Variants in PAK1 observed in about 807,000 individuals in gnomAD.
PAK1 encodes the protein p21 (RAC1) activated kinase 1, also known as serine/threonine-protein kinase PAK 1.
PAK1 carries 29 observed loss-of-function variants against 67.4 expected under a neutral mutation model. The observed-to-expected ratio is 0.43, with a 90% CI of 0.32 to 0.59. The LOEUF is 0.59. PAK1 is among the 20% of genes least tolerant of loss of function. The pLI, the probability that PAK1 is intolerant of heterozygous loss-of-function variation, is 0.07. For missense variants in PAK1, 337 were observed against 670.7 expected (o/e 0.50, Z 5.50); for synonymous variants, 223 against 237.4 (o/e 0.94, Z 0.56).
chr11:77,454,125 T>C (rs1956980666), intron 1 of PAK1, among the ~76,000 whole-genome samples: 1 of 152,218 alleles, frequency 6.6e-6, no homozygotes, highest in Non-Finnish European at 1.5e-5. Flanking sequence ...ATCATTCATA[T>C]TCTGTAGCTC....
upstream of PAK1, chr11:77,476,020 A>C (rs907166014): frequency 1.3e-5 from 2 of 152,230 alleles, no homozygotes; most frequent in Non-Finnish European, 2.9e-5. Flanking sequence ...AAATACAAAA[A>C]TTAGCCGGGC....
At chr11:77,509,141 C>T in the PAK1 span, among the ~76,000 whole-genome samples, 1 of 151,616 alleles carries the variant, frequency 6.6e-6, no homozygotes, top group Non-Finnish European at 1.5e-5. Flanking sequence ...GCCTGTAGTC[C>T]CAGCTACTCG....
chr11:77,326,537 TAGGC>T (rs1939920066), intron 14 of PAK1, among the ~76,000 whole-genome samples: 1 of 152,046 alleles, frequency 6.6e-6, no homozygotes, highest in Non-Finnish European at 1.5e-5. Context: ...ATAGAAAAAT[TAGGC>T]AGGTATGGTG....
At chr11:77,516,531 T>A in the PAK1 span, among the ~76,000 whole-genome samples, 2 of 152,236 alleles carry the variant, frequency 1.3e-5, no homozygotes, top group Admixed American at 1.3e-4. Flanking sequence ...AGGTATTATA[T>A]AATTACTGTA....
In PAK1 at chr11:77,451,347, G is replaced by C. The variant is rs140621502; in HGVS notation, c.-22+22205C>G. Among the ~76,000 whole-genome samples, 26 of 152,226 alleles carry C rather than the reference G, an allele frequency of 1.7e-4. No homozygotes were observed. In the East Asian group the frequency reaches 4.1e-3, roughly 24 times the overall value. Reference sequence around the variant, plus strand: ...CCTCATTTTTCTCTGAAGACACAGGGACATACAGAAAAATCTGAACAAACC... The same window carrying C: ...CCTCATTTTTCTCTGAAGACACAGGCACATACAGAAAAATCTGAACAAACC... On this transcript the variant is annotated intron_variant, in intron 1 of 14. Transcript: ENST00000356341.
chr11:77,384,096 G>A (rs932107163), intron 2 of PAK1, among the ~76,000 whole-genome samples: 1 of 152,170 alleles, frequency 6.6e-6, no homozygotes, highest in African/African-American at 2.4e-5. Flanking sequence ...AGGATGAACA[G>A]GGGTTAGCCA....
the PAK1 span, among the ~76,000 whole-genome samples, chr11:77,488,190 G>A: frequency 2.8e-4 from 43 of 152,348 alleles, no homozygotes; most frequent in African/African-American, 1.0e-3. Context: ...CTACCTCTAT[G>A]AGTCTGTAAG....
chr11:77,499,224 T>A, the PAK1 span, among the ~76,000 whole-genome samples: 1 of 152,010 alleles, frequency 6.6e-6, no homozygotes, highest in Non-Finnish European at 1.5e-5. Context: ...ATATCTATTG[T>A]TAACATTTTT....
chr11:77,494,017 T>C, the PAK1 span, among the ~76,000 whole-genome samples: 1 of 152,170 alleles, frequency 6.6e-6, no homozygotes, highest in African/African-American at 2.4e-5. Context: ...TCATACAATT[T>C]TGGTGGAAGT....
intron 1 of PAK1, among the ~76,000 whole-genome samples, chr11:77,430,908 G>A (rs1955830315): frequency 1.3e-5 from 2 of 152,320 alleles, no homozygotes; most frequent in South Asian, 4.1e-4. Context: ...GGGGACAAGG[G>A]AGCAAAGCTG....
At chr11:77,496,391 AGGTAAGCAGATCACTT>A in the PAK1 span, among the ~76,000 whole-genome samples, 6 of 152,094 alleles carry the variant, frequency 3.9e-5, no homozygotes, top group Admixed American at 1.3e-4. Flanking sequence ...TTGGGAGGCG[AGGTAAGCAGATCACTT>A]GAGCCCAGGA....
chr11:77,335,237 T>G (rs952170170), intron 13 of PAK1, among the ~76,000 whole-genome samples: 1 of 152,226 alleles, frequency 6.6e-6, no homozygotes, highest in African/African-American at 2.4e-5. Flanking sequence ...ATCTACCTAC[T>G]ATATATACCA....
intron 1 of PAK1, among the ~76,000 whole-genome samples, chr11:77,434,636 T>C (rs1253729288): frequency 1.3e-5 from 2 of 151,718 alleles, no homozygotes; most frequent in Admixed American, 6.6e-5. Flanking sequence ...TACTTATTTA[T>C]TGAGACAGGT....
chr11:77,406,033 ATCTT>A (rs1450305985), intron 1 of PAK1, among the ~76,000 whole-genome samples: 1 of 152,098 alleles, frequency 6.6e-6, no homozygotes, highest in Non-Finnish European at 1.5e-5. Context: ...CTTTCCTTCC[ATCTT>A]TCTGTCTACT....
At chr11:77,393,061 T>C (rs896103844) in intron 1 of PAK1, among the ~76,000 whole-genome samples, 1 of 151,980 alleles carries the variant, frequency 6.6e-6, no homozygotes, top group Admixed American at 6.6e-5. Flanking sequence ...TGTAGATAGT[T>C]TTATTGGAAC....
intron 1 of PAK1, among the ~76,000 whole-genome samples, chr11:77,432,035 C>A (rs1182255377): frequency 6.6e-6 from 1 of 152,070 alleles, no homozygotes; most frequent in Admixed American, 6.6e-5. Context: ...ACGTGAATAA[C>A]CCCATCTTAC....
chr11:77,425,809 C>T (rs760250610), intron 1 of PAK1, among the ~76,000 whole-genome samples: 2 of 152,136 alleles, frequency 1.3e-5, no homozygotes, highest in African/African-American at 2.4e-5. Context: ...GCTAAAACTA[C>T]AAAATCAAGA....
chr11:77,512,548 A>G, the PAK1 span, among the ~76,000 whole-genome samples: 1 of 152,172 alleles, frequency 6.6e-6, no homozygotes, highest in African/African-American at 2.4e-5. Flanking sequence ...GTACCAGTAG[A>G]GCATGGTGAA....
intron 7 of PAK1, among the ~76,000 whole-genome samples, chr11:77,354,172 G>A (rs563846227): frequency 5.9e-4 from 90 of 152,234 alleles, no homozygotes; most frequent in Non-Finnish European, 1.1e-3. Context: ...CAAGTGCAAC[G>A]ACATAGAGGT....
Sources: gnomAD v4.1 joint callset for allele counts (sites outside exome capture counted in the v4.1 genomes callset) on GRCh38, gnomAD v4.1.1 for gene constraint, MANE v1.5 for transcripts, NCBI Gene and HGNC (gene_info 2026-07-23, HGNC 2026-07-21) for gene names.